Variants in METTL24 observed in about 807,000 individuals in gnomAD.
METTL24 encodes the protein methyltransferase like 24, also known as probable methyltransferase-like protein 24.
In METTL24, 29 loss-of-function variants were observed where a neutral mutation model predicts 32.7. The ratio of observed to expected loss-of-function variants is 0.89; its 90% CI spans 0.66 to 1.21. The LOEUF is 1.21. Ranked by LOEUF, METTL24 falls within the 50% of genes most tolerant of loss-of-function variation. The probability of loss-of-function intolerance (pLI) is 0.00; values close to 1 mark genes in which losing one functional copy is unlikely to be tolerated. For synonymous variants in METTL24, 163 were observed against 179.5 expected, an observed-to-expected ratio of 0.91 and a Z score of 0.73; for missense variants, 439 against 468.1, an observed-to-expected ratio of 0.94 and a Z score of 0.57.
intron 4 of METTL24, among the ~76,000 whole-genome samples, chr6:110,278,378 C>G (rs747512032): frequency 6.6e-6 from 1 of 152,174 alleles, no homozygotes; most frequent in Non-Finnish European, 1.5e-5. Context: ...GCATTAAAAT[C>G]TAGATTAGGG....
chr6:110,339,941 G>A (rs1332020221), intron 1 of METTL24, among the ~76,000 whole-genome samples: 1 of 152,198 alleles, frequency 6.6e-6, no homozygotes. Context: ...CCAGGATGTG[G>A]ACAAGGTTGA....
At chr6:110,309,591 C>T (rs1771681758) in intron 3 of METTL24, among the ~76,000 whole-genome samples, 2 of 152,166 alleles carry the variant, frequency 1.3e-5, no homozygotes, top group South Asian at 4.2e-4. Flanking sequence ...TGGCAGAAGG[C>T]AAGGAGGAGC....
intron 4 of METTL24, among the ~76,000 whole-genome samples, chr6:110,294,627 A>G (rs1771377727): frequency 6.6e-6 from 1 of 152,136 alleles, no homozygotes; most frequent in Non-Finnish European, 1.5e-5. Flanking sequence ...TAAAAATACA[A>G]TCCAGGCATA....
Position 110,244,339 on chromosome 6 carries a change from G to A in METTL24, c.*1607C>T, listed in dbSNP as rs143243345. Among the ~76,000 whole-genome samples the A allele has an allele frequency of 3.7e-3, 565 of 152,208 alleles. 11 individuals are homozygous for A. The highest frequency in any genetic ancestry group is 0.033 in the Admixed American group (507 of 15,284). ...TAGGAAGTGAAGGGGAATTAAGGCT[G>A]AGTATAAAAAGCATCTTGAGTTGAA... On this transcript the variant is annotated 3_prime_UTR_variant, in exon 5 of 5. Coordinates refer to ENST00000338882, the MANE Select transcript of METTL24 (RefSeq NM_001123364.3).
chr6:110,296,971 C>T lies in METTL24; in HGVS notation c.786+1951G>A, dbSNP rs1163107218. Among the ~76,000 whole-genome samples, 7 of 148,916 alleles carry T rather than the reference C, an allele frequency of 4.7e-5. No individual in the cohort carries two copies. In the East Asian group the frequency reaches 5.8e-4, roughly 12 times the overall value. Reference sequence around the variant, plus strand: ...CCTAAGGAAAGCAATCACTCGCTGACGGGTTTAGTTTTGTTGTTTTTGTTT... The same window carrying T: ...CCTAAGGAAAGCAATCACTCGCTGATGGGTTTAGTTTTGTTGTTTTTGTTT... On this transcript the variant is annotated intron_variant, in intron 4 of 4. Transcript: ENST00000338882.
chr6:110,253,882 CAG>C, intron 4 of METTL24: 1 of 1,437,916 alleles, frequency 7.0e-7, no homozygotes, highest in South Asian at 1.6e-5. Context: ...TTCTCTCAAA[CAG>C]AGTCCCTCAG....
At chr6:110,317,903 TC>T (rs1562235671) in intron 2 of METTL24, among the ~76,000 whole-genome samples, 1 of 152,032 alleles carries the variant, frequency 6.6e-6, no homozygotes, top group African/African-American at 2.4e-5. Flanking sequence ...TTTAATAAGC[TC>T]CCCCAGGTGA....
intron 1 of METTL24, among the ~76,000 whole-genome samples, chr6:110,324,095 A>G (rs1771978477): frequency 6.6e-6 from 1 of 152,180 alleles, no homozygotes; most frequent in African/African-American, 2.4e-5. Context: ...ACAGGAAAGT[A>G]GTGGGGAACA....
rs1778105539 is a variant in METTL24 at position 110,244,261 on chromosome 6, G to C, written c.*1685C>G. On this transcript the variant is annotated 3_prime_UTR_variant, in exon 5 of 5. Transcript: ENST00000338882. ...CTGTGGGTGGTAAATCATGTTTGAA[G>C]GCAGAAGAGGCAACAGCAAAGATAC... Among the ~76,000 whole-genome samples the C allele has an allele frequency of 6.6e-6, 1 of 152,134 alleles. No homozygotes were observed. Among genetic ancestry groups the C allele is most frequent in the Non-Finnish European group, 1.5e-5 (1 of 68,028 alleles).
At chr6:110,324,876 C>A (rs1221325484) in intron 1 of METTL24, among the ~76,000 whole-genome samples, 1 of 152,208 alleles carries the variant, frequency 6.6e-6, no homozygotes, top group Non-Finnish European at 1.5e-5. Flanking sequence ...AGAGATATGA[C>A]TAAAACCCAG....
intron 4 of METTL24, among the ~76,000 whole-genome samples, chr6:110,247,334 T>C (rs565780078): frequency 6.6e-6 from 1 of 152,216 alleles, no homozygotes; most frequent in Non-Finnish European, 1.5e-5. Context: ...TGATGAACTC[T>C]GAACAGAGTC....
chr6:110,345,015 A>G (rs552792041), intron 1 of METTL24, among the ~76,000 whole-genome samples: 2 of 152,212 alleles, frequency 1.3e-5, no homozygotes, highest in Non-Finnish European at 2.9e-5. Context: ...ATGGGAGAAA[A>G]TGCCTGCAAA....
chr6:110,338,179 T>C (rs1772277787), intron 1 of METTL24, among the ~76,000 whole-genome samples: 1 of 152,178 alleles, frequency 6.6e-6, no homozygotes. Flanking sequence ...TACTCTTTCT[T>C]TGGGTGGAAA....
At chr6:110,315,524 A>G (rs1478916190) in intron 2 of METTL24, 43 bp from the exon 3 acceptor site, 3 of 1,607,604 alleles carry the variant, frequency 1.9e-6, no homozygotes, top group Non-Finnish European at 2.6e-6. Context: ...GAAATGTTGG[A>G]TGATAAATAG....
chr6:110,315,367 T>C lies in METTL24; in HGVS notation c.532A>G (p.Lys178Glu), dbSNP rs767905403. Reference protein sequence around the residue: ...RFNLAHQIRNKQCRLYSLGLG... With the variant: ...RFNLAHQIRNEQCRLYSLGLG... ...CCTAAGGAGTAGAGGCGGCACTGCT[T>C]GTTGCGGATTTGATGAGCTAAATTG... is the stretch of plus-strand genomic sequence containing the variant. Residue 178 changes from lysine (K) to glutamate (E), a missense_variant, in exon 3 of 5, where the codon AAG becomes GAG. Physicochemically the swap from Lys to Glu is moderately conservative, Grantham distance 56. Transcript: ENST00000338882. 4 of 1,614,194 alleles carry C rather than the reference T, an allele frequency of 2.5e-6. No individual in the cohort carries two copies. The highest frequency in any genetic ancestry group is 2.2e-5 in the East Asian group (1 of 44,886).
intron 2 of METTL24, among the ~76,000 whole-genome samples, chr6:110,321,551 T>C (rs10484809): frequency 0.046 from 7,030 of 152,322 alleles, 375 homozygotes; most frequent in African/African-American, 0.12. Flanking sequence ...CAGATTCTTA[T>C]CGTTCATGTA....
intron 1 of METTL24, among the ~76,000 whole-genome samples, chr6:110,339,336 A>T (rs1223019791): frequency 2.0e-5 from 3 of 152,244 alleles, no homozygotes; most frequent in Non-Finnish European, 4.4e-5. Context: ...TTGAAATGAC[A>T]TAATTTAATT....
At chr6:110,312,289 T>C (rs1771736981) in intron 3 of METTL24, among the ~76,000 whole-genome samples, 1 of 152,200 alleles carries the variant, frequency 6.6e-6, no homozygotes, top group African/African-American at 2.4e-5. Flanking sequence ...GAAAACAGTA[T>C]GGAGATTTCT....
rs574562630 is a variant in METTL24 at position 110,272,372 on chromosome 6, C to T, written c.787-26112G>A. ...ACCTTTTCTTTATCCACTAGTTGGT[C>T]GATGGGCATTTAGGATGGTTCCATA... On this transcript the variant is annotated intron_variant, in intron 4 of 4. Coordinates refer to ENST00000338882, the MANE Select transcript of METTL24 (RefSeq NM_001123364.3). Among the ~76,000 whole-genome samples, 182 of 152,256 alleles carry T rather than the reference C, an allele frequency of 1.2e-3. 2 individuals carry two copies. In the South Asian group the frequency reaches 0.017, roughly 14 times the overall value.
Sources: allele counts gnomAD v4.1 joint callset (sites outside exome capture counted in the v4.1 genomes callset), GRCh38; gene constraint gnomAD v4.1.1; transcripts MANE v1.5; gene names NCBI Gene and HGNC (gene_info 2026-07-23, HGNC 2026-07-21).